MPP7: variants seen among roughly 807,000 people sequenced by gnomAD.
MPP7 encodes MAGUK p55 scaffold protein 7.
In MPP7, 60 loss-of-function variants were observed where a neutral mutation model predicts 76.5. That is an observed-to-expected ratio of 0.78 (90% confidence interval 0.64 to 0.97). The LOEUF (loss-of-function observed/expected upper bound fraction) is 0.97. Among genes scored for constraint, MPP7 ranks in the 50% least tolerant of loss-of-function variants. MPP7 has a pLI of 0.00. For synonymous variants in MPP7, 237 were observed against 244.5 expected, an observed-to-expected ratio of 0.97 and a Z score of 0.29; for missense variants, 641 against 694.0, an observed-to-expected ratio of 0.92 and a Z score of 0.86.
chr10:28,304,096 T>C (rs1282284808), upstream of MPP7, among the ~76,000 whole-genome samples: 6 of 152,274 alleles, frequency 3.9e-5, no homozygotes, highest in East Asian at 9.6e-4. Context: ...GTGACAACAC[T>C]TCAAGATGTG....
intron 3 of MPP7, among the ~76,000 whole-genome samples, chr10:28,201,575 G>A (rs1837772666): frequency 6.6e-6 from 1 of 152,086 alleles, no homozygotes; most frequent in Admixed American, 6.6e-5. Flanking sequence ...GGCCAGACCC[G>A]ATTTCTGCTG....
chr10:28,131,816 T>TA, intron 5 of MPP7, 125 bp from the exon 6 acceptor site: 1 of 339,620 alleles, frequency 2.9e-6, no homozygotes, highest in Non-Finnish European at 4.4e-6. Flanking sequence ...GGTTTTGACA[T>TA]AGTAGTGGTA....
intron 1 of MPP7, among the ~76,000 whole-genome samples, chr10:28,300,274 G>A (rs1841125599): frequency 6.6e-6 from 1 of 152,122 alleles, no homozygotes; most frequent in African/African-American, 2.4e-5. Context: ...AAAAGTCACA[G>A]AAACTCTGAA....
At chr10:28,151,084 A>G (rs1036203911) in intron 3 of MPP7, among the ~76,000 whole-genome samples, 1 of 152,156 alleles carries the variant, frequency 6.6e-6, no homozygotes, top group Non-Finnish European at 1.5e-5. Flanking sequence ...CAAGTAATAC[A>G]CTCTTTAATT....
chr10:28,297,910 A>G (rs761810485), intron 1 of MPP7, among the ~76,000 whole-genome samples: 3 of 152,234 alleles, frequency 2.0e-5, no homozygotes, highest in Non-Finnish European at 4.4e-5. Context: ...TTCACCAAGA[A>G]TAGACTCTCT....
chr10:28,160,808 G>T (rs1836233504), intron 3 of MPP7, among the ~76,000 whole-genome samples: 1 of 152,150 alleles, frequency 6.6e-6, no homozygotes, highest in Admixed American at 6.5e-5. Context: ...TGATGTGTGT[G>T]ACTCTCAGAA....
chr10:28,211,560 A>G (rs1353106431), intron 2 of MPP7, among the ~76,000 whole-genome samples: 1 of 152,094 alleles, frequency 6.6e-6, no homozygotes, highest in Admixed American at 6.6e-5. Context: ...AGGTGAGTTG[A>G]CCAAGGATTG....
chr10:28,091,578 A>T (rs886944691), intron 11 of MPP7, among the ~76,000 whole-genome samples: 25 of 152,208 alleles, frequency 1.6e-4, no homozygotes, highest in African/African-American at 4.8e-5. Flanking sequence ...GTGAGCCACC[A>T]TGACCAGCCA....
chr10:28,119,132 C>T, intron 11 of MPP7: 1 of 900,022 alleles, frequency 1.1e-6, no homozygotes, highest in Non-Finnish European at 1.3e-6. Context: ...CATCCTTTGT[C>T]TTTCTCTCAT....
intron 3 of MPP7, among the ~76,000 whole-genome samples, chr10:28,166,023 CAAAA>C (rs9299600): frequency 1.0e-5 from 1 of 99,962 alleles, no homozygotes; most frequent in Admixed American, 1.2e-4. Flanking sequence ...AGACTCATCT[CAAAA>C]AAAAAAAAAA....
At chr10:28,331,702 G>A (rs1214196898) in intron 1 of MPP7, among the ~76,000 whole-genome samples, 2 of 152,070 alleles carry the variant, frequency 1.3e-5, no homozygotes, top group Non-Finnish European at 1.5e-5. Flanking sequence ...AGTTTCCTGA[G>A]TAGCTGGGAT....
intron 13 of MPP7, among the ~76,000 whole-genome samples, chr10:28,069,015 C>G (rs1852102007): frequency 6.6e-6 from 1 of 152,138 alleles, no homozygotes; most frequent in Non-Finnish European, 1.5e-5. Flanking sequence ...TCACTATATA[C>G]TTCTTGGGGC....
intron 3 of MPP7, among the ~76,000 whole-genome samples, chr10:28,158,881 G>A (rs764379188): frequency 2.6e-5 from 4 of 152,142 alleles, no homozygotes; most frequent in African/African-American, 7.2e-5. Flanking sequence ...GCCAACTTCT[G>A]TCTCCCTGTC....
intron 1 of MPP7, among the ~76,000 whole-genome samples, chr10:28,270,531 A>AG (rs1442958094): frequency 5.9e-4 from 15 of 25,334 alleles, no homozygotes; most frequent in East Asian, 8.6e-3. Flanking sequence ...AAAAAAAAAA[A>AG]AGGGGGGGGG....
chr10:28,143,859 G>C (rs1213390305), intron 5 of MPP7, among the ~76,000 whole-genome samples: 7 of 3,312 alleles, frequency 2.1e-3, no homozygotes, highest in Non-Finnish European at 6.7e-3. Context: ...CGTGTGCTGT[G>C]TGTGTGTGTG....
rs552657633 is a variant in MPP7 at position 28,137,323 on chromosome 10, C to T, written c.316-5632G>A. ...ATTCACTGCCAGCAGACTTGCATTG[C>T]AAGAAATGTTACAGGAAGTCTTTCA... On this transcript the variant is annotated intron_variant, in intron 5 of 16. Coordinates refer to ENST00000683449, the MANE Select transcript of MPP7 (RefSeq NM_001318170.2). Among the ~76,000 whole-genome samples the T allele has an allele frequency of 1.2e-4, 18 of 152,248 alleles. No individual in the cohort carries two copies. In the South Asian group the frequency reaches 3.5e-3, roughly 30 times the overall value.
At chr10:28,145,678 A>C (rs1835680025) in intron 5 of MPP7, among the ~76,000 whole-genome samples, 1 of 152,216 alleles carries the variant, frequency 6.6e-6, no homozygotes, top group South Asian at 2.1e-4. Context: ...GACATTGCCA[A>C]ACAAAACATC....
chr10:28,302,770 C>A (rs1564767131), intron 1 of MPP7, among the ~76,000 whole-genome samples, 91 bp downstream of exon 1: 1 of 152,170 alleles, frequency 6.6e-6, no homozygotes, highest in South Asian at 2.1e-4. Flanking sequence ...TCGGCCCGGT[C>A]GCCGGCGCAG....
chr10:28,114,533 G>A (rs574449720), intron 11 of MPP7, among the ~76,000 whole-genome samples: 3 of 152,102 alleles, frequency 2.0e-5, no homozygotes, highest in South Asian at 2.1e-4. Flanking sequence ...AGTAGTAAAC[G>A]TCCCATTCTG....
Sources: allele counts gnomAD v4.1 joint callset (sites outside exome capture counted in the v4.1 genomes callset), GRCh38; gene constraint gnomAD v4.1.1; transcripts MANE v1.5; gene names NCBI Gene and HGNC (gene_info 2026-07-23, HGNC 2026-07-21).